FMNL2: variants seen among roughly 807,000 people sequenced by gnomAD.
FMNL2 encodes formin like 2, also known as formin-like protein 2.
A neutral mutation model predicts 130.2 loss-of-function variants in FMNL2; 51 were observed. That is an observed-to-expected ratio of 0.39 (90% CI 0.31 to 0.49). The LOEUF (loss-of-function observed/expected upper bound fraction) is 0.49, where lower values mean the gene tolerates loss of function less well. Ranked by LOEUF, FMNL2 falls within the 20% of genes least tolerant of loss-of-function variation. The probability of loss-of-function intolerance (pLI) is 0.85; values close to 1 mark genes in which losing one functional copy is unlikely to be tolerated. For synonymous variants in FMNL2, 465 were observed against 467.1 expected, an observed-to-expected ratio of 1.00 and a Z score of 0.06; for missense variants, 977 against 1,316.2, an observed-to-expected ratio of 0.74 and a Z score of 3.99.
At chr2:152,593,870 T>A (rs1485662783) in intron 9 of FMNL2, among the ~76,000 whole-genome samples, 1,715 of 86,660 alleles carry the variant, frequency 0.02, 29 homozygotes, top group East Asian at 0.088. Context: ...AGTGTGTGTG[T>A]GTGTGTGTGT....
At chr2:152,376,110 C>T (rs1248533976) in intron 1 of FMNL2, among the ~76,000 whole-genome samples, 3 of 151,908 alleles carry the variant, frequency 2.0e-5, no homozygotes, top group Admixed American at 1.3e-4. Flanking sequence ...GCCAGGCTGG[C>T]CTTGAACTCC....
chr2:152,418,267 T>C (rs1686721477), intron 1 of FMNL2, among the ~76,000 whole-genome samples: 1 of 151,490 alleles, frequency 6.6e-6, no homozygotes, highest in African/African-American at 2.4e-5. Context: ...TTTGGCCACG[T>C]TTTTAATTTT....
At chr2:152,618,475 C>T (rs775722699) in intron 13 of FMNL2, among the ~76,000 whole-genome samples, 12 of 152,066 alleles carry the variant, frequency 7.9e-5, no homozygotes, top group Non-Finnish European at 1.3e-4. Flanking sequence ...ATATGTGTAT[C>T]TAAGAGTTAC....
chr2:152,431,745 T>A (rs1422628546), intron 1 of FMNL2, among the ~76,000 whole-genome samples: 1 of 151,980 alleles, frequency 6.6e-6, no homozygotes, highest in Non-Finnish European at 1.5e-5. Context: ...GCAGGAAGAT[T>A]GCTTGAGTCC....
chr2:152,552,580 C>A (rs1030215266), intron 4 of FMNL2, among the ~76,000 whole-genome samples: 19 of 151,042 alleles, frequency 1.3e-4, no homozygotes, highest in African/African-American at 4.6e-4. Flanking sequence ...ATAAATGGAA[C>A]AATCTTCTGA....
chr2:152,524,300 A>T (rs911904015), intron 2 of FMNL2, among the ~76,000 whole-genome samples: 1 of 152,216 alleles, frequency 6.6e-6, no homozygotes, highest in East Asian at 1.9e-4. Context: ...TATTGCAGAA[A>T]TGCCTCTTGG....
intron 1 of FMNL2, among the ~76,000 whole-genome samples, chr2:152,482,821 T>A (rs776316352): frequency 6.6e-6 from 1 of 152,156 alleles, no homozygotes; most frequent in Non-Finnish European, 1.5e-5. Context: ...CCTGATACTG[T>A]CCCCGGTATT....
rs373341217 is a variant in FMNL2, at chr2:152,392,588, A to G, written c.117+56868A>G. 1.3e-4 allele frequency among the ~76,000 whole-genome samples: 20 copies of G among 152,294 alleles called. 1 individual carries two copies. In the South Asian group the frequency reaches 2.3e-3, roughly 17 times the overall value. On this transcript the variant is annotated intron_variant, in intron 1 of 25. Transcript: ENST00000288670. The stretch of plus-strand genomic sequence containing the variant: ...TGCATCCTCATCTGGCAGAAGGCAT[A>G]AGTGCAAGTCATCCAAATGCGGAGT...
intron 1 of FMNL2, among the ~76,000 whole-genome samples, chr2:152,467,087 C>T (rs1689590488): frequency 6.6e-6 from 1 of 152,202 alleles, no homozygotes; most frequent in Non-Finnish European, 1.5e-5. Flanking sequence ...GCTTGCTTCA[C>T]TGTGTTTCTG....
intron 16 of FMNL2, among the ~76,000 whole-genome samples, chr2:152,625,988 C>A (rs983961442): frequency 3.3e-5 from 5 of 151,778 alleles, no homozygotes; most frequent in African/African-American, 9.7e-5. Flanking sequence ...GGGTTAGAAT[C>A]GGTAGTCTAA....
chr2:152,491,854 G>A (rs1691221211), intron 1 of FMNL2, among the ~76,000 whole-genome samples: 1 of 152,132 alleles, frequency 6.6e-6, no homozygotes, highest in African/African-American at 2.4e-5. Context: ...GGGGGGTTGA[G>A]GCAGGAGAAT....
chr2:152,516,002 T>C (rs1252839615), intron 1 of FMNL2, among the ~76,000 whole-genome samples: 1 of 152,196 alleles, frequency 6.6e-6, no homozygotes, highest in East Asian at 1.9e-4. Context: ...GCTAGTCTAA[T>C]TCCAGAGCCC....
intron 1 of FMNL2, among the ~76,000 whole-genome samples, chr2:152,391,078 T>G (rs1685083085): frequency 1.3e-5 from 2 of 152,232 alleles, no homozygotes; most frequent in African/African-American, 4.8e-5. Flanking sequence ...TGTATTTTAT[T>G]TCTTCAATTA....
At chr2:152,456,650 G>A (rs1413874418) in intron 1 of FMNL2, among the ~76,000 whole-genome samples, 2 of 152,026 alleles carry the variant, frequency 1.3e-5, no homozygotes, top group Non-Finnish European at 2.9e-5. Flanking sequence ...GGTGTATTTT[G>A]AAAACATTTG....
chr2:152,432,357 C>T (rs1282584018), intron 1 of FMNL2, among the ~76,000 whole-genome samples: 1 of 152,108 alleles, frequency 6.6e-6, no homozygotes, highest in Non-Finnish European at 1.5e-5. Context: ...CAAAGCAGAG[C>T]GGAAGCATTG....
intron 1 of FMNL2, among the ~76,000 whole-genome samples, chr2:152,455,257 AG>A (rs1473267041): frequency 6.6e-6 from 1 of 152,174 alleles, no homozygotes; most frequent in Non-Finnish European, 1.5e-5. Flanking sequence ...GGAACAGGGT[AG>A]GGGCTGGCTA....
intron 21 of FMNL2, among the ~76,000 whole-genome samples, chr2:152,636,203 C>A (rs972927587): frequency 6.6e-6 from 1 of 152,158 alleles, no homozygotes; most frequent in African/African-American, 2.4e-5. Context: ...TGCTCATTGA[C>A]AAAATGAGCT....
intron 9 of FMNL2, among the ~76,000 whole-genome samples, chr2:152,590,532 T>G (rs1249757380): frequency 1.3e-5 from 2 of 151,978 alleles, no homozygotes; most frequent in African/African-American, 4.8e-5. Context: ...GAGAATCGCT[T>G]GAACCTGGGA....
At chr2:152,516,599 C>T (rs542973978) in intron 1 of FMNL2, among the ~76,000 whole-genome samples, 10 of 152,256 alleles carry the variant, frequency 6.6e-5, no homozygotes, top group African/African-American at 2.4e-4. Flanking sequence ...TCATACTGTT[C>T]AATTTCCCTC....
Sources: gnomAD v4.1 joint callset for allele counts (sites outside exome capture counted in the v4.1 genomes callset) on GRCh38, gnomAD v4.1.1 for gene constraint, MANE v1.5 for transcripts, NCBI Gene and HGNC (gene_info 2026-07-23, HGNC 2026-07-21) for gene names.